SCEL: variants seen among roughly 807,000 people sequenced by gnomAD.
SCEL encodes the protein sciellin.
SCEL carries 113 observed loss-of-function variants against 117.6 expected under a neutral mutation model. The ratio of observed to expected loss-of-function variants is 0.96; its 90% CI spans 0.83 to 1.12. SCEL has a LOEUF of 1.12. Among genes scored for constraint, SCEL ranks in the 50% most tolerant of loss-of-function variants. SCEL has a pLI of 0.00. For synonymous variants in SCEL, 270 were observed against 256.2 expected (o/e 1.05, Z -0.51); for missense variants, 785 against 810.8 (o/e 0.97, Z 0.39).
intron 12 of SCEL, among the ~76,000 whole-genome samples, chr13:77,596,013 A>T (rs1333114020): frequency 6.6e-6 from 1 of 152,172 alleles, no homozygotes; most frequent in Non-Finnish European, 1.5e-5. Context: ...TGGTGTTTCT[A>T]AGTGCAATTA....
intron 17 of SCEL, 51 bp downstream of exon 17, chr13:77,602,764 A>G (rs759230610): frequency 6.7e-6 from 10 of 1,482,672 alleles, no homozygotes; most frequent in South Asian, 1.1e-5. Context: ...TCTCATATTA[A>G]TTATGTGATA....
chr13:77,561,302 CT>C (rs2084963549), intron 4 of SCEL, among the ~76,000 whole-genome samples: 1 of 152,226 alleles, frequency 6.6e-6, no homozygotes, highest in South Asian at 2.1e-4. Flanking sequence ...TTAACAAGAG[CT>C]TAATGCCTTT....
chr13:77,616,584 T>A (rs551050087), intron 24 of SCEL, among the ~76,000 whole-genome samples: 1 of 152,064 alleles, frequency 6.6e-6, no homozygotes, highest in South Asian at 2.1e-4. Context: ...TTCCATAGAC[T>A]ATGGAGAGGT....
chr13:77,550,052 A>C (rs954799885), intron 1 of SCEL, among the ~76,000 whole-genome samples: 9 of 151,768 alleles, frequency 5.9e-5, no homozygotes, highest in Non-Finnish European at 1.2e-4. Flanking sequence ...CATGCCATAA[A>C]ATTCACCATT....
chr13:77,597,187 C>A (rs2087291702), intron 12 of SCEL: 1 of 232,120 alleles, frequency 4.3e-6, no homozygotes, highest in Admixed American at 6.1e-5. Context: ...AAATACAGTT[C>A]TAAATTTTAA....
At position 77,593,572 on chromosome 13, in the gene SCEL, G is replaced by C; in HGVS notation, c.751G>C (p.Gly251Arg). 1 of 1,611,790 alleles carries C rather than the reference G, an allele frequency of 6.2e-7. No homozygotes were observed. The highest frequency in any genetic ancestry group is 8.5e-7 in the Non-Finnish European group (1 of 1,178,274). ...VATSLQRSDK[G>R]EELDNLIKMN... Reference sequence around the variant, plus strand: ...CACTTCACTTCAGAGAAGTGACAAAGGGTGAGATCTCAGAGCTTTTGAGCT... The same window carrying C: ...CACTTCACTTCAGAGAAGTGACAAACGGTGAGATCTCAGAGCTTTTGAGCT... Residue 251 changes from glycine to arginine, a missense_variant and splice_region_variant, in exon 12 of 33, where the codon GGT becomes CGT. By Grantham distance (125) the Gly-to-Arg change is moderately radical. Coordinates refer to ENST00000349847, the MANE Select transcript of SCEL (RefSeq NM_144777.3).
chr13:77,642,023 A>G (rs2090580099), intron 31 of SCEL, among the ~76,000 whole-genome samples: 1 of 152,178 alleles, frequency 6.6e-6, no homozygotes, highest in African/African-American at 2.4e-5. Context: ...AAATTTAAAC[A>G]AGAATATTCT....
chr13:77,541,694 T>G (rs1373087462), intron 1 of SCEL, among the ~76,000 whole-genome samples: 1 of 152,206 alleles, frequency 6.6e-6, no homozygotes, highest in East Asian at 1.9e-4. Flanking sequence ...AGTGATTGAT[T>G]AAAGGTGTCT....
At chr13:77,600,313 G>C (rs749844273) in intron 15 of SCEL, among the ~76,000 whole-genome samples, 1 of 151,910 alleles carries the variant, frequency 6.6e-6, no homozygotes, top group Non-Finnish European at 1.5e-5. Context: ...ATTTTTAGTA[G>C]AGATGGTGTT....
At chr13:77,563,669 C>T (rs2085113920) in intron 4 of SCEL, among the ~76,000 whole-genome samples, 162 bp from the exon 5 acceptor site, 1 of 152,034 alleles carries the variant, frequency 6.6e-6, no homozygotes, top group African/African-American at 2.4e-5. Flanking sequence ...TTATTCTATC[C>T]AAGTTGGAAG....
chr13:77,637,393 T>C (rs9593246), intron 30 of SCEL, among the ~76,000 whole-genome samples, 199 bp downstream of exon 30: 2,633 of 46,926 alleles, frequency 0.056, 113 homozygotes, highest in African/African-American at 0.1. Context: ...CATATATAAA[T>C]ATATATACAT....
chr13:77,588,544 A>G (rs2086690827), intron 9 of SCEL, among the ~76,000 whole-genome samples: 1 of 152,134 alleles, frequency 6.6e-6, no homozygotes, highest in East Asian at 1.9e-4. Context: ...TCCAGTTCCT[A>G]CCTCATTAAG....
chr13:77,541,358 T>C (rs1433128866), intron 1 of SCEL, among the ~76,000 whole-genome samples: 1 of 152,156 alleles, frequency 6.6e-6, no homozygotes, highest in Admixed American at 6.5e-5. Context: ...GGCAAATGAG[T>C]GAACACTCAT....
intron 29 of SCEL, among the ~76,000 whole-genome samples, chr13:77,636,731 C>T (rs1041077733): frequency 6.6e-6 from 1 of 152,114 alleles, no homozygotes; most frequent in African/African-American, 2.4e-5. Context: ...CTCAGTTTCT[C>T]TCTGTGAATG....
intron 1 of SCEL, among the ~76,000 whole-genome samples, chr13:77,543,975 C>T (rs1249092717): frequency 1.3e-5 from 2 of 152,136 alleles, no homozygotes; most frequent in Admixed American, 1.3e-4. Flanking sequence ...GCCTACATTT[C>T]GACCACTGCC....
chr13:77,634,656 ACT>A (rs1185685994), intron 29 of SCEL, among the ~76,000 whole-genome samples: 1 of 152,126 alleles, frequency 6.6e-6, no homozygotes, highest in Non-Finnish European at 1.5e-5. Context: ...CATTAGATGA[ACT>A]CAGTAATATT....
At chr13:77,623,157 A>T (rs2089517712) in intron 27 of SCEL, among the ~76,000 whole-genome samples, 2 of 152,216 alleles carry the variant, frequency 1.3e-5, no homozygotes, top group Non-Finnish European at 2.9e-5. Flanking sequence ...TATGCAATTG[A>T]TGTGGTCTTA....
intron 9 of SCEL, 64 bp downstream of exon 9, chr13:77,572,253 C>A: frequency 7.9e-7 from 1 of 1,263,628 alleles, no homozygotes; most frequent in Non-Finnish European, 1.2e-6. Flanking sequence ...CAGACATTGA[C>A]AACATATAAT....
chr13:77,590,278 T>C (rs1308828461), intron 10 of SCEL, among the ~76,000 whole-genome samples: 1 of 152,106 alleles, frequency 6.6e-6, no homozygotes, highest in Non-Finnish European at 1.5e-5. Context: ...CTGCACAGGA[T>C]CTTTGAAATT....
Sources: gnomAD v4.1 joint callset for allele counts (sites outside exome capture counted in the v4.1 genomes callset) on GRCh38, gnomAD v4.1.1 for gene constraint, MANE v1.5 for transcripts, NCBI Gene and HGNC (gene_info 2026-07-23, HGNC 2026-07-21) for gene names.